Variants in RCC1 observed in about 807,000 individuals in gnomAD.
RCC1 encodes the protein regulator of chromosome condensation 1.
A neutral mutation model predicts 44.4 loss-of-function variants in RCC1; 11 were observed. The ratio of observed to expected loss-of-function variants is 0.25; its 90% CI spans 0.16 to 0.41. The LOEUF (loss-of-function observed/expected upper bound fraction) is 0.41. Ranked by LOEUF, RCC1 falls within the 10% of genes least tolerant of loss-of-function variation. The pLI, the probability that RCC1 is intolerant of heterozygous loss-of-function variation, is 1.00. For missense variants in RCC1, 386 were observed against 547.1 expected (o/e 0.71, Z 2.94); for synonymous variants, 213 against 216.5 (o/e 0.98, Z 0.14).
chr1:28,510,933 G>C (rs1181044236), intron 3 of RCC1: 4 of 152,166 alleles, frequency 2.6e-5, no homozygotes. Flanking sequence ...TACTCAGGTG[G>C]GTTTGGGTAA....
chr1:28,529,727 G>C (rs1411811528), intron 4 of RCC1, 131 bp from the exon 5 acceptor site: 1 of 685,048 alleles, frequency 1.5e-6, no homozygotes, highest in Non-Finnish European at 2.6e-6. Flanking sequence ...CTGTTCTTGG[G>C]ATACATTTTG....
At position 28,535,941 on chromosome 1, in the gene RCC1, T is replaced by C; in HGVS notation, c.732T>C (p.Asp244=). Residue 244 remains aspartate (D), a synonymous_variant, in exon 10 of 13, where the codon GAT becomes GAC. Transcript: ENST00000683442. Reference sequence around the variant, plus strand: ...GCCGGGGCCACGTGAGATTCCAGGATGCCTTTTGTGGTGCCTATTTCACCT... The same window carrying C: ...GCCGGGGCCACGTGAGATTCCAGGACGCCTTTTGTGGTGCCTATTTCACCT... ...RGSRGHVRFQ[D]AFCGAYFTFA... is the part of the protein sequence containing the mutation. The C allele has an allele frequency of 6.2e-7, 1 of 1,614,116 alleles. No homozygotes were observed. The highest frequency in any genetic ancestry group is 1.3e-5 in the African/African-American group (1 of 75,026).
In RCC1 at chr1:28,536,241, T is replaced by A. The variant is rs1324006699; in HGVS notation, c.818-21T>A. The A allele has an allele frequency of 6.2e-7, 1 of 1,612,238 alleles. No homozygotes were observed. Among genetic ancestry groups the A allele is most frequent in the Non-Finnish European group, 8.5e-7 (1 of 1,179,068 alleles). On this transcript the variant is annotated intron_variant, in intron 10 of 12. Transcript: ENST00000683442. The surrounding 1 kb of genome is among the most constrained non-coding windows in gnomAD (Gnocchi z 4.9). ...GCTCTCAGAACACCTTCACCCCTGA[T>A]GGCTCCGGCCTTTCCCCCAGGAACT...
intron 2 of RCC1, 81 bp downstream of exon 2, chr1:28,508,241 TTTA>T (rs1257789696): frequency 2.0e-5 from 8 of 393,316 alleles, no homozygotes; most frequent in Admixed American, 8.8e-5. Context: ...TGAAGAGACT[TTTA>T]TTCTAGTTGG....
rs1298126925 is a variant in RCC1, at chr1:28,506,062, G to A, written c.-284G>A. ...CTCTCTCCTTTTTGGAGACAGATTC[G>A]CAGTGGTCGCTTCTTCTCCTTGGTA... On this transcript the variant is annotated 5_prime_UTR_variant, in exon 1 of 13. Coordinates refer to ENST00000683442, the MANE Select transcript of RCC1 (RefSeq NM_001381865.2). 1 of 456,040 alleles carries A rather than the reference G, an allele frequency of 2.2e-6. No individual in the cohort carries two copies. 28.2% of individuals were successfully genotyped at this position (456,040 alleles called of 1,614,324 possible).
At chr1:28,532,595 TC>T in intron 7 of RCC1, 1 of 531,280 alleles carries the variant, frequency 1.9e-6, no homozygotes, top group East Asian at 3.7e-5. Context: ...GTCAAGGATG[TC>T]CCTGGGTTGA....
chr1:28,507,545 G>A lies in RCC1; in HGVS notation c.-261-583G>A, dbSNP rs776197929. The A allele has an allele frequency of 5.8e-6, 3 of 518,718 alleles. No individual in the cohort carries two copies. In the Admixed American group the frequency reaches 5.8e-5, roughly 10 times the overall value. 32.1% of individuals were successfully genotyped at this position (518,718 alleles called of 1,614,324 possible). On this transcript the variant is annotated intron_variant, in intron 1 of 12. Transcript: ENST00000683442. ...CCCAGAGTCCTGTCGACAATTACTGGGGAGACAAACCATGCAGGAAACAGC... is the reference window on the plus strand; with the variant it reads ...CCCAGAGTCCTGTCGACAATTACTGAGGAGACAAACCATGCAGGAAACAGC...
chr1:28,535,464 G>A, intron 9 of RCC1, 84 bp downstream of exon 9: 1 of 1,587,574 alleles, frequency 6.3e-7, no homozygotes. Flanking sequence ...ATTTGCTGTG[G>A]TCAGGCTTGC....
chr1:28,532,433 C>T (rs778054433), intron 7 of RCC1, 83 bp downstream of exon 7: 66 of 1,431,172 alleles, frequency 4.6e-5, no homozygotes, highest in Non-Finnish European at 5.7e-5. Flanking sequence ...ACTTCCATGC[C>T]CCCATGGTAC....
intron 4 of RCC1, among the ~76,000 whole-genome samples, chr1:28,529,259 C>T (rs1321849597): frequency 1.4e-5 from 2 of 147,644 alleles, no homozygotes; most frequent in African/African-American, 2.5e-5. Context: ...TCTTGGCTCA[C>T]CACAACCTCC....
At chr1:28,527,050 G>A in intron 4 of RCC1, 1 of 826,298 alleles carries the variant, frequency 1.2e-6, no homozygotes, top group Non-Finnish European at 2.2e-6. Context: ...CAGGTGCATG[G>A]TATGAGGAAC....
chr1:28,533,305 A>T (rs962263012), intron 7 of RCC1, among the ~76,000 whole-genome samples: 1 of 151,400 alleles, frequency 6.6e-6, no homozygotes, highest in African/African-American at 2.4e-5. Context: ...CCCCGTCTCT[A>T]CTAAAAATAC....
At chr1:28,535,464 G>T in intron 9 of RCC1, 84 bp downstream of exon 9, 1 of 1,587,574 alleles carries the variant, frequency 6.3e-7, no homozygotes. Context: ...ATTTGCTGTG[G>T]TCAGGCTTGC....
intron 3 of RCC1, among the ~76,000 whole-genome samples, chr1:28,511,851 G>A (rs1192450183): frequency 6.6e-6 from 1 of 150,758 alleles, no homozygotes; most frequent in Non-Finnish European, 1.5e-5. Flanking sequence ...TTTTAGTAGA[G>A]ACGGGTTTCA....
intron 7 of RCC1, among the ~76,000 whole-genome samples, chr1:28,533,260 A>G (rs1393980573): frequency 6.6e-6 from 1 of 151,136 alleles, no homozygotes; most frequent in African/African-American, 2.4e-5. Context: ...TCACGACGTC[A>G]GGAGATCGAG....
chr1:28,536,031 GC>G lies in RCC1; in HGVS notation c.817+9del. 6.2e-7 allele frequency: 1 copy of G among 1,601,832 alleles called. No individual in the cohort carries two copies. Among genetic ancestry groups the G allele is most frequent in the Non-Finnish European group, 8.5e-7 (1 of 1,172,852 alleles). On this transcript the variant is annotated splice_donor_region_variant and intron_variant, in intron 10 of 12. Transcript: ENST00000683442. The surrounding 1 kb of genome is among the most constrained non-coding windows in gnomAD (Gnocchi z 4.9). ...TCTCCAACTACCATCAGCTTGGTGA[GC>G]CCCGAGCCCAGCTTCAGGCATGACC...
intron 4 of RCC1, among the ~76,000 whole-genome samples, chr1:28,528,421 C>T (rs1051096347): frequency 1.3e-5 from 2 of 152,188 alleles, no homozygotes; most frequent in African/African-American, 4.8e-5. Context: ...CACCATTGCA[C>T]TCTAGCCTGG....
chr1:28,524,595 C>T (rs990271748), intron 4 of RCC1, among the ~76,000 whole-genome samples: 2 of 152,096 alleles, frequency 1.3e-5, no homozygotes, highest in African/African-American at 4.8e-5. Context: ...TGGTGGCTTA[C>T]ACCTATAATC....
chr1:28,512,261 C>G (rs981928285), intron 3 of RCC1, among the ~76,000 whole-genome samples: 1 of 102,936 alleles, frequency 9.7e-6, no homozygotes, highest in African/African-American at 5.1e-5. Context: ...TAACCACTAT[C>G]CTCACCTCCC....
Sources: gnomAD v4.1 joint callset for allele counts (sites outside exome capture counted in the v4.1 genomes callset) on GRCh38, gnomAD v4.1.1 for gene constraint, Gnocchi (gnomAD v3.1) non-coding constraint, MANE v1.5 for transcripts, NCBI Gene and HGNC (gene_info 2026-07-23, HGNC 2026-07-21) for gene names.